The following FRMD4B variants were observed in gnomAD, a reference collection of about 807,000 sequenced individuals.
FRMD4B encodes FERM domain-containing protein 4B.
A neutral mutation model predicts 141.5 loss-of-function variants in FRMD4B; 74 were observed. That is an observed-to-expected ratio of 0.52 (90% CI 0.43 to 0.63). The LOEUF (loss-of-function observed/expected upper bound fraction) is 0.63. FRMD4B is among the 30% of genes least tolerant of loss of function. The probability of loss-of-function intolerance (pLI) is 0.00; values close to 1 mark genes in which losing one functional copy is unlikely to be tolerated. For synonymous variants in FRMD4B, 506 were observed against 467.9 expected (o/e 1.08, Z -1.05); for missense variants, 1,366 against 1,253.4 (o/e 1.09, Z -1.36).
In FRMD4B at chr3:69,195,415, CCTTT is replaced by C. The variant is rs1340162127; in HGVS notation, c.1235-55_1235-52del. The stretch of plus-strand genomic sequence containing the variant: ...AGGTTTATACAAGGGATGTTTCCTT[CCTTT>C]CTAAGGGACAAAGGATTTTTAAGCT... On this transcript the variant is annotated intron_variant, in intron 14 of 22. Coordinates refer to ENST00000398540, the MANE Select transcript of FRMD4B (RefSeq NM_015123.3). The C allele has an allele frequency of 3.4e-6, 5 of 1,481,344 alleles. No homozygotes were observed. In the Admixed American group the frequency reaches 1.2e-4, roughly 35 times the overall value. The allele number at this position is 1,481,344 out of a possible 1,614,324, so 91.8% of individuals were successfully genotyped here. A position where few individuals can be genotyped will look rare whatever the true frequency, so the allele number is the denominator to read the frequency against.
intron 1 of FRMD4B, among the ~76,000 whole-genome samples, chr3:69,463,840 A>G (rs1437905786): frequency 6.6e-6 from 1 of 152,236 alleles, no homozygotes; most frequent in Non-Finnish European, 1.5e-5. Flanking sequence ...CTCTCTCTGC[A>G]CAAAGAAATG....
intron 2 of FRMD4B, among the ~76,000 whole-genome samples, chr3:69,406,283 T>C (rs1704648574): frequency 6.6e-6 from 1 of 152,230 alleles, no homozygotes; most frequent in African/African-American, 2.4e-5. Flanking sequence ...ACAATGGCTC[T>C]TGGAAAACCT....
chr3:69,432,320 A>G (rs1705193958), intron 2 of FRMD4B, among the ~76,000 whole-genome samples: 1 of 152,250 alleles, frequency 6.6e-6, no homozygotes, highest in Admixed American at 6.5e-5. Context: ...TGTCTAAGGC[A>G]CAGCACAATT....
chr3:69,346,561 A>G (rs2107407395), intron 1 of FRMD4B, among the ~76,000 whole-genome samples: 1 of 152,318 alleles, frequency 6.6e-6, no homozygotes, highest in African/African-American at 2.4e-5. Context: ...GAAGGAAAAA[A>G]TGTTAAGGGC....
rs1005125822 is a variant in FRMD4B at position 69,171,667 on chromosome 3, G to A, written c.*194C>T. On this transcript the variant is annotated 3_prime_UTR_variant, in exon 23 of 23. Transcript: ENST00000398540. ...TACGTTAGTGCCTAGAGTTTGAAAG[G>A]CCAAATCCTCCTTTAGGGGCTTTGT... is the stretch of plus-strand genomic sequence containing the variant. 1.2e-5 allele frequency: 7 copies of A among 566,290 alleles called. No individual in the cohort carries two copies. The African/African-American group carries it at 1.3e-4, about 11-fold the overall frequency. 35.1% of individuals were successfully genotyped at this position (566,290 alleles called of 1,614,324 possible). A position where few individuals can be genotyped will look rare whatever the true frequency, so the allele number is the denominator to read the frequency against.
intron 1 of FRMD4B, among the ~76,000 whole-genome samples, chr3:69,365,184 A>T (rs1313444610): frequency 6.6e-6 from 1 of 152,212 alleles, no homozygotes; most frequent in Non-Finnish European, 1.5e-5. Flanking sequence ...TCACTCTGAG[A>T]TGACAAATAT....
chr3:69,441,718 A>T (rs1705346888), intron 1 of FRMD4B, among the ~76,000 whole-genome samples: 1 of 152,182 alleles, frequency 6.6e-6, no homozygotes. Flanking sequence ...ACTGAGTGGA[A>T]AAATGAACTC....
chr3:69,428,899 A>C (rs1459185228), intron 2 of FRMD4B, among the ~76,000 whole-genome samples: 1 of 152,136 alleles, frequency 6.6e-6, no homozygotes, highest in Non-Finnish European at 1.5e-5. Context: ...TTCCATCTCT[A>C]TGAATGTGAC....
intron 12 of FRMD4B, 90 bp from the exon 13 acceptor site, chr3:69,197,128 G>A: frequency 4.0e-6 from 4 of 993,470 alleles, no homozygotes; most frequent in Non-Finnish European, 6.0e-6. Flanking sequence ...AACAAAGCAT[G>A]TTCCTCTTAC....
intron 7 of FRMD4B, among the ~76,000 whole-genome samples, chr3:69,225,105 G>C (rs1220898914): frequency 4.6e-5 from 7 of 152,052 alleles, no homozygotes; most frequent in Non-Finnish European, 1.0e-4. Context: ...TTTCGTAATA[G>C]ATATCATTGC....
chr3:69,283,986 A>ACC (rs1346613905), intron 5 of FRMD4B, among the ~76,000 whole-genome samples: 1 of 151,986 alleles, frequency 6.6e-6, no homozygotes, highest in Non-Finnish European at 1.5e-5. Flanking sequence ...AAAAAAAACA[A>ACC]AAAACAGACA....
At chr3:69,219,270 G>A (rs1002201844) in intron 9 of FRMD4B, among the ~76,000 whole-genome samples, 8 of 152,034 alleles carry the variant, frequency 5.3e-5, no homozygotes. Context: ...CTTTGGGGTG[G>A]ACTAAATTTT....
In FRMD4B at chr3:69,181,151, G is replaced by A. The variant is rs769325621; in HGVS notation, c.2599C>T (p.His867Tyr). The A allele has an allele frequency of 3.7e-6, 6 of 1,613,962 alleles. No homozygotes were observed. The South Asian group carries it at 5.5e-5, about 15-fold the overall frequency. The change falls in exon 21 of 23, where the codon CAT becomes TAT. Residue 867 changes from histidine (H) to tyrosine (Y), a missense_variant. Coordinates refer to ENST00000398540, the MANE Select transcript of FRMD4B (RefSeq NM_015123.3). ...AGCCGGAGAGTTGCATATGGGTTAT[G>A]GGGTACCCGGTCGACCTCATCTTCG... ...FHEDEVDRVP[H>Y]NPYATLRLPR...
intron 7 of FRMD4B, among the ~76,000 whole-genome samples, chr3:69,227,650 G>A (rs2093267194): frequency 6.7e-6 from 1 of 148,966 alleles, no homozygotes; most frequent in Non-Finnish European, 1.5e-5. Context: ...GGACAAGAGT[G>A]AGACTTTGTC....
At chr3:69,181,732 C>T in intron 20 of FRMD4B, 22 bp from the exon 21 acceptor site, 1 of 1,455,884 alleles carries the variant, frequency 6.9e-7, no homozygotes, top group East Asian at 2.3e-5. Context: ...GAAAGGCAAA[C>T]TTCTCAACAC....
chr3:69,482,435 T>C (rs953097601), intron 1 of FRMD4B, among the ~76,000 whole-genome samples: 2 of 151,996 alleles, frequency 1.3e-5, no homozygotes, highest in African/African-American at 4.8e-5. Context: ...GGTGACTGTT[T>C]TGTGAAGATG....
intron 1 of FRMD4B, among the ~76,000 whole-genome samples, chr3:69,459,707 G>T (rs897685593): frequency 6.6e-6 from 1 of 152,188 alleles, no homozygotes; most frequent in Non-Finnish European, 1.5e-5. Flanking sequence ...GAGAGTTAAA[G>T]TATTAATAGC....
intron 1 of FRMD4B, among the ~76,000 whole-genome samples, chr3:69,532,349 T>C (rs569247837): frequency 6.6e-6 from 1 of 152,202 alleles, no homozygotes; most frequent in Non-Finnish European, 1.5e-5. Flanking sequence ...CTTCCACTGA[T>C]ACACTGCTTA....
intron 1 of FRMD4B, among the ~76,000 whole-genome samples, chr3:69,506,002 T>C (rs1220727934): frequency 2.6e-5 from 4 of 152,182 alleles, no homozygotes; most frequent in Non-Finnish European, 5.9e-5. Flanking sequence ...CGTTTAATCT[T>C]TCCAACGCCT....
Sources: gnomAD v4.1 joint callset for allele counts (sites outside exome capture counted in the v4.1 genomes callset) on GRCh38, gnomAD v4.1.1 for gene constraint, MANE v1.5 for transcripts, NCBI Gene and HGNC (gene_info 2026-07-23, HGNC 2026-07-21) for gene names.